The following PRDM5 variants were observed in gnomAD, a reference collection of about 807,000 sequenced individuals.
PRDM5 encodes PR/SET domain 5.
Under a neutral mutation model 81.2 loss-of-function variants are expected in PRDM5, and 56 were observed. The observed-to-expected ratio is 0.69, with a 90% CI of 0.56 to 0.86. The LOEUF is 0.86. PRDM5 is among the 40% of genes least tolerant of loss of function. The pLI is 0.00. For synonymous variants in PRDM5, 267 were observed against 256.4 expected, an observed-to-expected ratio of 1.04 and a Z score of -0.39; for missense variants, 697 against 770.1, an observed-to-expected ratio of 0.91 and a Z score of 1.12.
intron 3 of PRDM5, among the ~76,000 whole-genome samples, chr4:120,822,984 G>T (rs1755485575): frequency 6.6e-6 from 1 of 152,072 alleles, no homozygotes; most frequent in Non-Finnish European, 1.5e-5. Flanking sequence ...TGCAACAAAA[G>T]CAAACAAGCA....
chr4:120,879,179 G>A lies in PRDM5; in HGVS notation c.178-25639C>T, dbSNP rs185173137. 4.6e-3 allele frequency among the ~76,000 whole-genome samples: 694 copies of A among 152,180 alleles called. 6 individuals carry two copies. Among genetic ancestry groups the A allele is most frequent in the Non-Finnish European group, 7.0e-3 (479 of 68,000 alleles). On this transcript the variant is annotated intron_variant, in intron 2 of 15. Transcript: ENST00000264808. ...TAAGTGAATGGATAAAGGAACTGTG[G>A]TACATCCATACAATGGAATATTATT... is the stretch of plus-strand genomic sequence containing the variant.
chr4:120,888,612 A>C (rs1198016877), intron 2 of PRDM5, among the ~76,000 whole-genome samples: 2 of 152,194 alleles, frequency 1.3e-5, no homozygotes, highest in African/African-American at 2.4e-5. Context: ...TGTTCTAGTT[A>C]ATATCTGTCT....
At chr4:120,844,612 C>T (rs1407101591) in intron 3 of PRDM5, among the ~76,000 whole-genome samples, 3 of 152,108 alleles carry the variant, frequency 2.0e-5, no homozygotes, top group African/African-American at 7.2e-5. Flanking sequence ...TACCAGTAGC[C>T]CTTCCCCCAT....
In PRDM5 at chr4:120,922,562, C is replaced by T; in HGVS notation, c.47G>A (p.Arg16Gln). ...GTAGAGCCCCATGCCGTCCTGAACC[C>T]GGGAGGACTTCAGGGAGAACCTGTC... ...VPDRFSLKSSRVQDGMGLYTA... is the reference protein window; with the variant it reads ...VPDRFSLKSSQVQDGMGLYTA... Residue 16 changes from arginine to glutamine, a missense_variant, in exon 1 of 16, where the codon CGG becomes CAG. By Grantham distance (43) the Arg-to-Gln change is conservative (BLOSUM62 1). This residue lies in a region of PRDM5 where 577 missense variants were observed against 606.7 expected (regional missense o/e 0.95). Coordinates refer to ENST00000264808, the MANE Select transcript of PRDM5 (RefSeq NM_018699.4). 3.1e-6 allele frequency: 5 copies of T among 1,611,080 alleles called. No individual in the cohort carries two copies. The South Asian group carries it at 5.5e-5, about 18-fold the overall frequency.
intron 10 of PRDM5, among the ~76,000 whole-genome samples, chr4:120,790,098 C>T (rs1750351960): frequency 6.6e-6 from 1 of 152,192 alleles, no homozygotes; most frequent in African/African-American, 2.4e-5. Context: ...CTCAACGACA[C>T]TGGTAAGAGC....
At chr4:120,801,737 T>A (rs1359179521) in intron 8 of PRDM5, among the ~76,000 whole-genome samples, 1 of 152,194 alleles carries the variant, frequency 6.6e-6, no homozygotes, top group African/African-American at 2.4e-5. Context: ...TGAGGCATGT[T>A]AAAGGCAGCC....
intron 1 of PRDM5, among the ~76,000 whole-genome samples, chr4:120,919,047 T>C (rs1724571510): frequency 6.6e-6 from 1 of 152,174 alleles, no homozygotes. Context: ...ACAGGCTGGC[T>C]CTCTGCACTT....
At chr4:120,780,369 A>T (rs1453639188) in intron 12 of PRDM5, among the ~76,000 whole-genome samples, 1 of 152,088 alleles carries the variant, frequency 6.6e-6, no homozygotes, top group Non-Finnish European at 1.5e-5. Context: ...ACTTGAGCCC[A>T]GGTGTTCAAG....
intron 3 of PRDM5, chr4:120,838,101 T>G (rs1002417075): frequency 2.0e-5 from 3 of 152,192 alleles, no homozygotes; most frequent in Non-Finnish European, 4.4e-5. Context: ...CTTTCTAGAC[T>G]TCTGTTAAAC....
At chr4:120,871,047 T>C (rs1271075185) in intron 2 of PRDM5, among the ~76,000 whole-genome samples, 1 of 152,142 alleles carries the variant, frequency 6.6e-6, no homozygotes, top group Non-Finnish European at 1.5e-5. Flanking sequence ...TCATCCAGCC[T>C]ATCCTTGAAC....
chr4:120,714,403 G>A (rs1239166841), intron 14 of PRDM5, among the ~76,000 whole-genome samples: 1 of 151,880 alleles, frequency 6.6e-6, no homozygotes, highest in African/African-American at 2.4e-5. Context: ...AAAATCAGTT[G>A]ATCAATTCTC....
At chr4:120,709,032 GA>G (rs142939105) in intron 15 of PRDM5, among the ~76,000 whole-genome samples, 10,491 of 152,128 alleles carry the variant, frequency 0.069, 424 homozygotes, top group South Asian at 0.1. Flanking sequence ...GAAGCAGATA[GA>G]AAAAAGTCAG....
chr4:120,818,655 T>A (rs1220930640), intron 4 of PRDM5, 128 bp from the exon 5 acceptor site: 1 of 796,652 alleles, frequency 1.3e-6, no homozygotes, highest in Non-Finnish European at 2.1e-6. Context: ...ATTCTTATTA[T>A]CACTATAAAT....
intron 10 of PRDM5, among the ~76,000 whole-genome samples, chr4:120,793,221 G>A (rs2149269266): frequency 6.6e-6 from 1 of 152,186 alleles, no homozygotes; most frequent in African/African-American, 2.4e-5. Flanking sequence ...TCACAGGAGG[G>A]TGAATCCTAT....
chr4:120,731,122 T>C (rs1261195458), intron 14 of PRDM5, among the ~76,000 whole-genome samples: 2 of 152,188 alleles, frequency 1.3e-5, no homozygotes, highest in African/African-American at 4.8e-5. Context: ...TTACAGTCAG[T>C]TCAGCAAACA....
intron 8 of PRDM5, among the ~76,000 whole-genome samples, chr4:120,804,079 C>A (rs1046098494): frequency 5.3e-5 from 8 of 152,062 alleles, no homozygotes; most frequent in African/African-American, 1.7e-4. Context: ...GACTTTAAAC[C>A]AACAAAGATC....
intron 3 of PRDM5, among the ~76,000 whole-genome samples, chr4:120,844,530 A>T (rs1456912863): frequency 6.6e-6 from 1 of 152,098 alleles, no homozygotes; most frequent in Non-Finnish European, 1.5e-5. Flanking sequence ...TACTATTGTA[A>T]TTGTTTAGGG....
At chr4:120,856,003 T>C (rs894570306) in intron 2 of PRDM5, among the ~76,000 whole-genome samples, 2 of 152,216 alleles carry the variant, frequency 1.3e-5, no homozygotes, top group African/African-American at 4.8e-5. Context: ...AGAAGAAATA[T>C]TTCTCTGTGA....
At chr4:120,896,141 C>T (rs1298705153) in intron 2 of PRDM5, 1 of 152,204 alleles carries the variant, frequency 6.6e-6, no homozygotes, top group Non-Finnish European at 1.5e-5. Context: ...TTGATGAGCT[C>T]TCTTAATTCA....
Sources: gnomAD v4.1 joint callset for allele counts (sites outside exome capture counted in the v4.1 genomes callset) on GRCh38, gnomAD v4.1.1 for gene constraint, gnomAD v4.1.1 regional missense constraint, MANE v1.5 for transcripts, NCBI Gene and HGNC (gene_info 2026-07-23, HGNC 2026-07-21) for gene names.